Variants in PITPNC1 observed in about 807,000 individuals in gnomAD.
PITPNC1 encodes cytoplasmic phosphatidylinositol transfer protein 1.
PITPNC1 carries 18 observed loss-of-function variants against 44.7 expected under a neutral mutation model. The observed-to-expected ratio is 0.40, with a 90% CI of 0.28 to 0.60. The LOEUF (loss-of-function observed/expected upper bound fraction) is 0.60. PITPNC1 is among the 20% of genes least tolerant of loss of function. PITPNC1 has a pLI of 0.39. For missense variants in PITPNC1, 290 were observed against 418.4 expected (o/e 0.69, Z 2.68); for synonymous variants, 141 against 149.6 (o/e 0.94, Z 0.42).
Position 67,378,007 on chromosome 17 carries a change from C to T in PITPNC1, c.-148C>T, listed in dbSNP as rs1379401601. ...TGCTCTGGGGCGGAGAGGAGGAAGCCAGGAGCTGAGCGCGCCGCGGGGGCT... is the reference window on the plus strand; with the variant it reads ...TGCTCTGGGGCGGAGAGGAGGAAGCTAGGAGCTGAGCGCGCCGCGGGGGCT... On this transcript the variant is annotated 5_prime_UTR_variant, in exon 1 of 9. Coordinates refer to ENST00000581322, the MANE Select transcript of PITPNC1 (RefSeq NM_012417.4). The T allele has an allele frequency of 6.5e-6, 3 of 461,734 alleles. No individual in the cohort carries two copies. Among genetic ancestry groups the T allele is most frequent in the Non-Finnish European group, 7.5e-6 (2 of 267,362 alleles). 28.6% of individuals were successfully genotyped at this position (461,734 alleles called of 1,614,324 possible).
At chr17:67,479,278 C>T (rs1032281744) in intron 1 of PITPNC1, among the ~76,000 whole-genome samples, 1 of 152,184 alleles carries the variant, frequency 6.6e-6, no homozygotes, top group Non-Finnish European at 1.5e-5. Flanking sequence ...ACCACACACA[C>T]GTCCAGTAGA....
At chr17:67,682,266 T>G (rs748665643) in intron 8 of PITPNC1, among the ~76,000 whole-genome samples, 6 of 152,174 alleles carry the variant, frequency 3.9e-5, no homozygotes, top group Non-Finnish European at 7.3e-5. Flanking sequence ...TACAAAGCTA[T>G]TCTGTGTGGT....
intron 1 of PITPNC1, among the ~76,000 whole-genome samples, chr17:67,494,326 A>T (rs1480618928): frequency 6.6e-6 from 1 of 151,604 alleles, no homozygotes; most frequent in Non-Finnish European, 1.5e-5. Flanking sequence ...CAGCCTCCCG[A>T]GTACCTGTGA....
At chr17:67,665,845 CTTTT>C (rs11290420) in intron 6 of PITPNC1, among the ~76,000 whole-genome samples, 5 of 135,730 alleles carry the variant, frequency 3.7e-5, no homozygotes, top group Non-Finnish European at 6.4e-5. Flanking sequence ...CACTGAAGTA[CTTTT>C]TTTTTTTTTT....
intron 5 of PITPNC1, among the ~76,000 whole-genome samples, chr17:67,631,895 A>C (rs1052586366): frequency 6.7e-6 from 1 of 150,362 alleles, no homozygotes; most frequent in Non-Finnish European, 1.5e-5. Context: ...AACTCCTAAA[A>C]ACAGCCCAGT....
intron 1 of PITPNC1, among the ~76,000 whole-genome samples, chr17:67,502,800 A>ATTGTG (rs1191729236): frequency 2.4e-5 from 3 of 127,000 alleles, no homozygotes; most frequent in Non-Finnish European, 1.8e-5. Flanking sequence ...ATTGTATTGT[A>ATTGTG]TTGTATTTTA....
intron 5 of PITPNC1, among the ~76,000 whole-genome samples, chr17:67,590,274 A>G (rs1056512198): frequency 6.6e-6 from 1 of 152,220 alleles, no homozygotes; most frequent in African/African-American, 2.4e-5. Flanking sequence ...TAAAAGAAAT[A>G]AAATAGCCAC....
At chr17:67,485,857 G>A (rs1361322779) in intron 1 of PITPNC1, among the ~76,000 whole-genome samples, 1 of 152,178 alleles carries the variant, frequency 6.6e-6, no homozygotes, top group East Asian at 1.9e-4. Context: ...TCTGGGGGCG[G>A]CTTAAATGCA....
intron 1 of PITPNC1, among the ~76,000 whole-genome samples, chr17:67,462,213 C>CTTTT (rs1567999118): frequency 2.1e-5 from 2 of 93,130 alleles, no homozygotes; most frequent in Admixed American, 1.0e-4. Context: ...TTCTTTTTCT[C>CTTTT]TTTCTTTCTT....
chr17:67,506,131 G>A (rs1204286671), intron 1 of PITPNC1, among the ~76,000 whole-genome samples: 4 of 151,984 alleles, frequency 2.6e-5, no homozygotes, highest in African/African-American at 9.7e-5. Context: ...ATATTACCTA[G>A]GGCTACTGAA....
intron 6 of PITPNC1, among the ~76,000 whole-genome samples, chr17:67,644,055 C>T (rs887494516): frequency 2.0e-5 from 3 of 152,340 alleles, no homozygotes; most frequent in Middle Eastern, 3.4e-3. Context: ...GCAGAAGTTA[C>T]AGCCATTTGT....
At chr17:67,654,789 C>T (rs1051883570) in intron 6 of PITPNC1, among the ~76,000 whole-genome samples, 23 of 152,150 alleles carry the variant, frequency 1.5e-4, no homozygotes, top group Non-Finnish European at 2.4e-4. Flanking sequence ...CGCGCCACCA[C>T]GCCCAACTAG....
rs2039109758 is a variant in PITPNC1 at position 67,447,141 on chromosome 17, A to ATGTGTGTTTG, written c.48+68940_48+68949dup. Among the ~76,000 whole-genome samples the ATGTGTGTTTG allele has an allele frequency of 6.6e-5, 10 of 150,454 alleles. No homozygotes were observed. The South Asian group carries it at 2.1e-3, about 32-fold the overall frequency. On this transcript the variant is annotated intron_variant, in intron 1 of 8. Coordinates refer to ENST00000581322, the MANE Select transcript of PITPNC1 (RefSeq NM_012417.4). ...AGAATGACCCTAGGATCTAAGAAGA[A>ATGTGTGTTTG]TGTGTGTTTGGACTTCCAAGCTAAG...
chr17:67,419,174 A>G (rs112895695), intron 1 of PITPNC1, among the ~76,000 whole-genome samples: 1 of 42,048 alleles, frequency 2.4e-5, no homozygotes, highest in African/African-American at 1.2e-4. Flanking sequence ...GGAAGGGAGA[A>G]AAAAAAAAAT....
chr17:67,599,072 G>C (rs937883511), intron 5 of PITPNC1, among the ~76,000 whole-genome samples: 2 of 118,010 alleles, frequency 1.7e-5, no homozygotes, highest in African/African-American at 6.2e-5. Context: ...TGGCCAGGCT[G>C]GTCTTGAACT....
intron 1 of PITPNC1, among the ~76,000 whole-genome samples, chr17:67,532,234 G>A (rs1001809770): frequency 6.6e-6 from 1 of 152,136 alleles, no homozygotes; most frequent in Admixed American, 6.5e-5. Flanking sequence ...TGGGGGAGCC[G>A]GGGCCTCTGG....
intron 7 of PITPNC1, among the ~76,000 whole-genome samples, chr17:67,669,992 G>A (rs1171272932): frequency 2.0e-5 from 3 of 151,994 alleles, no homozygotes; most frequent in Non-Finnish European, 4.4e-5. Context: ...AGAATTACTT[G>A]AACCCGGGAG....
chr17:67,415,371 T>C (rs542058814), intron 1 of PITPNC1, among the ~76,000 whole-genome samples: 26 of 152,326 alleles, frequency 1.7e-4, no homozygotes, highest in African/African-American at 6.3e-4. Flanking sequence ...CCCATTAGAT[T>C]GTAAGTTTCC....
chr17:67,495,037 G>GTTTTTTTTTTTTT (rs2039925221), intron 1 of PITPNC1, among the ~76,000 whole-genome samples: 10 of 79,376 alleles, frequency 1.3e-4, no homozygotes, highest in Non-Finnish European at 1.9e-4. Flanking sequence ...GAGCCATGGA[G>GTTTTTTTTTTTTT]TTGTTTTTTT....
Sources: gnomAD v4.1 joint callset for allele counts (sites outside exome capture counted in the v4.1 genomes callset) on GRCh38, gnomAD v4.1.1 for gene constraint, MANE v1.5 for transcripts, NCBI Gene and HGNC (gene_info 2026-07-23, HGNC 2026-07-21) for gene names.